TRIM14: variants seen among roughly 807,000 people sequenced by gnomAD.
The protein encoded by TRIM14 is tripartite motif-containing protein 14.
Under a neutral mutation model 44.5 loss-of-function variants are expected in TRIM14, and 28 were observed. The observed-to-expected ratio is 0.63, with a 90% confidence interval of 0.47 to 0.86. TRIM14 has a LOEUF of 0.86. Among genes scored for constraint, TRIM14 ranks in the 40% least tolerant of loss-of-function variants. TRIM14 has a pLI of 0.00. For synonymous variants in TRIM14, 299 were observed against 269.2 expected, an observed-to-expected ratio of 1.11 and a Z score of -1.08; for missense variants, 607 against 611.1, an observed-to-expected ratio of 0.99 and a Z score of 0.07.
the TRIM14 span, among the ~76,000 whole-genome samples, chr9:98,039,858 A>G: frequency 6.6e-6 from 1 of 152,106 alleles, no homozygotes; most frequent in South Asian, 2.1e-4. Flanking sequence ...AGTAATAATG[A>G]AACTCCAGCC....
chr9:98,078,788 T>A (rs1376115760), intron 6 of TRIM14, among the ~76,000 whole-genome samples: 1 of 148,304 alleles, frequency 6.7e-6, no homozygotes, highest in East Asian at 2.0e-4. Context: ...TGAGCCGAGA[T>A]TGCACCACTG....
the TRIM14 span, among the ~76,000 whole-genome samples, chr9:98,036,799 G>A: frequency 3.9e-5 from 6 of 152,058 alleles, no homozygotes; most frequent in Non-Finnish European, 8.8e-5. Context: ...AGTGAAACTC[G>A]GTCTCAAAAA....
chr9:98,101,163 C>T (rs971137110), intron 2 of TRIM14, among the ~76,000 whole-genome samples: 1 of 151,804 alleles, frequency 6.6e-6, no homozygotes, highest in Non-Finnish European at 1.5e-5. Flanking sequence ...TTAGTAGAGA[C>T]GGAGTTTCAC....
Position 98,095,126 on chromosome 9 carries a change from C to A in TRIM14, c.538-97G>T. On this transcript the variant is annotated intron_variant, in intron 3 of 5. Transcript: ENST00000341469. The surrounding 1 kb of genome is among the most constrained non-coding windows in gnomAD (Gnocchi z 4.1). Reference sequence around the variant, plus strand: ...CAGGAACAAACCCACACCAGCATGCCCAGGCTCCACGTTGGCCTGGCACCT... The same window carrying A: ...CAGGAACAAACCCACACCAGCATGCACAGGCTCCACGTTGGCCTGGCACCT... 7 of 1,455,450 alleles carry A rather than the reference C, an allele frequency of 4.8e-6. No individual in the cohort carries two copies. The highest frequency in any genetic ancestry group is 5.5e-6 in the Non-Finnish European group (6 of 1,094,740). 90.2% of individuals were successfully genotyped at this position (1,455,450 alleles called of 1,614,324 possible).
In TRIM14 at chr9:98,087,891, A is replaced by G. The variant is rs1442701463; in HGVS notation, c.908T>C (p.Leu303Pro). 10 of 1,570,008 alleles carry G rather than the reference A, an allele frequency of 6.4e-6. No individual in the cohort carries two copies. Among genetic ancestry groups the G allele is most frequent in the Non-Finnish European group, 7.7e-6 (9 of 1,168,196 alleles). The stretch of plus-strand genomic sequence containing the variant: ...CACTTGCCAGAGCGCGTCGAACCGC[A>G]GCACGGGCACGGGCCCCAGGCTGCC... ...LLGSLGPVPV[L>P]RFDALWQVLA... The change falls in exon 6 of 6, where the codon CTG becomes CCG. Residue 303 changes from leucine (L) to proline (P), a missense_variant. Leu to Pro is a moderately conservative substitution (Grantham distance 98). Transcript: ENST00000341469.
chr9:98,094,734 G>A (rs1826118924), intron 4 of TRIM14, 133 bp downstream of exon 4: 2 of 1,043,654 alleles, frequency 1.9e-6, no homozygotes, highest in Admixed American at 4.7e-5. Flanking sequence ...CCAGGCCCAG[G>A]AGCCCCTGAC....
rs1826141408 is a variant in TRIM14 at position 98,095,152 on chromosome 9, A to G, written c.538-123T>C. 5.6e-6 allele frequency: 7 copies of G among 1,250,966 alleles called. No homozygotes were observed. The highest frequency in any genetic ancestry group is 2.6e-5 in the Admixed American group (1 of 38,770). 77.5% of individuals were successfully genotyped at this position (1,250,966 alleles called of 1,614,324 possible). A position where few individuals can be genotyped will look rare whatever the true frequency, so the allele number is the denominator to read the frequency against. ...CAGGCTCCACGTTGGCCTGGCACCT[A>G]TGGTCAGCCCAGGCCATGCCTGCAG... On this transcript the variant is annotated intron_variant, in intron 3 of 5. Coordinates refer to ENST00000341469, the MANE Select transcript of TRIM14 (RefSeq NM_014788.4). This position sits in a 1 kb window ranked among gnomAD's most constrained non-coding sequence, Gnocchi z 4.1.
intron 6 of TRIM14, chr9:98,074,866 A>G (rs1327484378): frequency 6.6e-6 from 1 of 152,060 alleles, no homozygotes; most frequent in Non-Finnish European, 1.5e-5. Flanking sequence ...AACAGAAAGC[A>G]CTCTCTTCAT....
At chr9:98,104,712 G>T (rs1426286721) in intron 2 of TRIM14, among the ~76,000 whole-genome samples, 1 of 152,144 alleles carries the variant, frequency 6.6e-6, no homozygotes, top group African/African-American at 2.4e-5. Context: ...AGCTGAGCAG[G>T]GTCTAAGGAC....
intron 6 of TRIM14, among the ~76,000 whole-genome samples, chr9:98,070,272 C>A (rs1047684851): frequency 1.3e-5 from 2 of 152,122 alleles, no homozygotes; most frequent in Non-Finnish European, 2.9e-5. Context: ...TGTATGCCAC[C>A]ATGCCCAGCT....
the TRIM14 span, among the ~76,000 whole-genome samples, chr9:98,056,446 T>C: frequency 1.3e-5 from 2 of 148,454 alleles, no homozygotes; most frequent in Non-Finnish European, 2.9e-5. Flanking sequence ...GACTATGCCC[T>C]GCGCAGGCAG....
chr9:98,062,289 G>T, the TRIM14 span, among the ~76,000 whole-genome samples: 2 of 151,980 alleles, frequency 1.3e-5, no homozygotes, highest in South Asian at 2.1e-4. Flanking sequence ...TGACTTGAGT[G>T]GGGGGACACT....
At chr9:98,042,581 G>A in the TRIM14 span, among the ~76,000 whole-genome samples, 1 of 152,038 alleles carries the variant, frequency 6.6e-6, no homozygotes, top group Non-Finnish European at 1.5e-5. Flanking sequence ...TTATTAAAGA[G>A]CTTACTTAGG....
chr9:98,098,553 A>T (rs917148250), intron 3 of TRIM14, among the ~76,000 whole-genome samples: 1 of 151,822 alleles, frequency 6.6e-6, no homozygotes, highest in African/African-American at 2.4e-5. Context: ...CTACTAAAAA[A>T]TACAAAAAAT....
chr9:98,059,190 A>AT, the TRIM14 span, among the ~76,000 whole-genome samples: 3 of 151,520 alleles, frequency 2.0e-5, no homozygotes, highest in Non-Finnish European at 2.9e-5. Context: ...CACCTAGCTA[A>AT]TTTTTTGTAT....
chr9:98,049,340 T>TAAAAA, the TRIM14 span, among the ~76,000 whole-genome samples: 1 of 67,026 alleles, frequency 1.5e-5, no homozygotes, highest in African/African-American at 6.1e-5. Flanking sequence ...AGACTCTGCA[T>TAAAAA]AAAAAAAAAA....
the TRIM14 span, among the ~76,000 whole-genome samples, chr9:98,043,267 T>C: frequency 6.6e-6 from 1 of 151,592 alleles, no homozygotes; most frequent in Non-Finnish European, 1.5e-5. Flanking sequence ...AACCTCCCCC[T>C]CCTGGGTTCA....
chr9:98,085,392 G>A lies in TRIM14; in HGVS notation c.*2078C>T, dbSNP rs1427967195. The A allele has an allele frequency of 6.6e-6, 1 of 152,226 alleles. No individual in the cohort carries two copies. The highest frequency in any genetic ancestry group is 1.5e-5 in the Non-Finnish European group (1 of 68,090). 9.4% of individuals were successfully genotyped at this position (152,226 alleles called of 1,614,324 possible). ...CTCCATTTTGCCATGTGTAGAATTGGGAAAACTTTCTACCCTCTAGGGCTG... is the reference window on the plus strand; with the variant it reads ...CTCCATTTTGCCATGTGTAGAATTGAGAAAACTTTCTACCCTCTAGGGCTG... On this transcript the variant is annotated 3_prime_UTR_variant, in exon 6 of 6. Transcript: ENST00000341469.
chr9:98,099,892 G>C (rs763361235), intron 3 of TRIM14, 39 bp downstream of exon 3: 1 of 1,558,154 alleles, frequency 6.4e-7, no homozygotes, highest in Admixed American at 1.7e-5. Context: ...AAGTGTGGGT[G>C]GCAGGTGGCA....
Sources: allele counts gnomAD v4.1 joint callset (sites outside exome capture counted in the v4.1 genomes callset), GRCh38; gene constraint gnomAD v4.1.1; non-coding constraint Gnocchi (gnomAD v3.1); transcripts MANE v1.5; gene names NCBI Gene and HGNC (gene_info 2026-07-23, HGNC 2026-07-21).